The following SERTM1 variants were observed in gnomAD, a reference collection of about 807,000 sequenced individuals.
The protein encoded by SERTM1 is serine rich and transmembrane domain containing 1, also known as serine-rich and transmembrane domain-containing protein 1.
SERTM1 carries 1 observed loss-of-function variant against 5.5 expected under a neutral mutation model. The observed-to-expected ratio is 0.18, with a 90% CI of 0.06 to 0.86. The LOEUF is 0.86. SERTM1 is among the 40% of genes least tolerant of loss of function. SERTM1 has a pLI of 0.69. For synonymous variants in SERTM1, 52 were observed against 55.1 expected, an observed-to-expected ratio of 0.94 and a Z score of 0.25; for missense variants, 91 against 122.4, an observed-to-expected ratio of 0.74 and a Z score of 1.21.
At chr13:36,687,431 A>G (rs1159755980) in intron 1 of SERTM1, among the ~76,000 whole-genome samples, 1 of 152,202 alleles carries the variant, frequency 6.6e-6, no homozygotes, top group African/African-American at 2.4e-5. Flanking sequence ...TTTTTCAGAC[A>G]AGTGGATCCA....
chr13:36,683,229 T>C lies in SERTM1; in HGVS notation c.-174+9045T>C, dbSNP rs530428715. Among the ~76,000 whole-genome samples, 5 of 152,302 alleles carry C rather than the reference T, an allele frequency of 3.3e-5. No homozygotes were observed. The South Asian group carries it at 1.0e-3, about 32-fold the overall frequency. On this transcript the variant is annotated intron_variant, in intron 1 of 1. Coordinates refer to ENST00000315190, the MANE Select transcript of SERTM1 (RefSeq NM_203451.3). ...TCATATTTGAGCTTGTTAAGGAACA[T>C]GTCTTTGGCACTACCAGTAGCTAAA...
chr13:36,687,610 G>C (rs1020042537), intron 1 of SERTM1, among the ~76,000 whole-genome samples: 1 of 151,850 alleles, frequency 6.6e-6, no homozygotes, highest in Admixed American at 6.6e-5. Flanking sequence ...TTGATACATT[G>C]GTTAGTTTAC....
rs1484392045 is a variant in SERTM1 at position 36,696,786 on chromosome 13, A to G, written c.*1384A>G. On this transcript the variant is annotated 3_prime_UTR_variant, in exon 2 of 2. Transcript: ENST00000315190. ...CACAGGGTAAACACTGAACTTATTC[A>G]ACCTACAGGAGGCCACTGCATCAAC... is the stretch of plus-strand genomic sequence containing the variant. 1 of 167,104 alleles carries G rather than the reference A, an allele frequency of 6.0e-6. No individual in the cohort carries two copies. The highest frequency in any genetic ancestry group is 1.5e-5 in the Non-Finnish European group (1 of 68,124). 10.4% of individuals were successfully genotyped at this position (167,104 alleles called of 1,614,324 possible).
chr13:36,689,134 A>T (rs1017100779), intron 1 of SERTM1, among the ~76,000 whole-genome samples: 8 of 152,154 alleles, frequency 5.3e-5, no homozygotes, highest in Non-Finnish European at 1.2e-4. Context: ...TATCTTTTTA[A>T]ATAGTTATTC....
At chr13:36,677,305 G>A (rs188578216) in intron 1 of SERTM1, among the ~76,000 whole-genome samples, 14 of 152,286 alleles carry the variant, frequency 9.2e-5, no homozygotes, top group African/African-American at 1.7e-4. Flanking sequence ...ATGAAGTAGC[G>A]TAATCCAGCC....
At position 36,695,490 on chromosome 13, in the gene SERTM1, G is replaced by C; in HGVS notation, c.*88G>C. The C allele has an allele frequency of 1.1e-6, 1 of 937,892 alleles. No individual in the cohort carries two copies. The highest frequency in any genetic ancestry group is 1.6e-6 in the Non-Finnish European group (1 of 606,752). The allele number at this position is 937,892 out of a possible 1,614,324, so 58.1% of individuals were successfully genotyped here. A position where few individuals can be genotyped will look rare whatever the true frequency, so the allele number is the denominator to read the frequency against. On this transcript the variant is annotated 3_prime_UTR_variant, in exon 2 of 2. Transcript: ENST00000315190. ...TGAGGCATTGCCTCATGAAAGAAAT[G>C]ATCCTTTTGGTGTAGACCTGCTTCT...
chr13:36,691,073 G>A (rs910190333), intron 1 of SERTM1, among the ~76,000 whole-genome samples: 1 of 152,196 alleles, frequency 6.6e-6, no homozygotes, highest in Non-Finnish European at 1.5e-5. Flanking sequence ...CATATTTGAG[G>A]CTGACTGGTA....
intron 1 of SERTM1, among the ~76,000 whole-genome samples, chr13:36,684,535 G>T (rs1299719963): frequency 6.6e-6 from 1 of 151,874 alleles, no homozygotes; most frequent in African/African-American, 2.4e-5. Context: ...CAAGCATCCT[G>T]GGTTTGCCTT....
At chr13:36,689,423 T>C (rs2056763207) in intron 1 of SERTM1, among the ~76,000 whole-genome samples, 1 of 151,350 alleles carries the variant, frequency 6.6e-6, no homozygotes. Context: ...GAGCATTGCT[T>C]AAACCCGGGA....
intron 1 of SERTM1, among the ~76,000 whole-genome samples, chr13:36,686,035 T>C (rs1438083265): frequency 6.6e-6 from 1 of 152,200 alleles, no homozygotes; most frequent in Non-Finnish European, 1.5e-5. Context: ...ACTGATGATG[T>C]AAGATGCACA....
At chr13:36,681,054 A>G (rs2056702056) in intron 1 of SERTM1, among the ~76,000 whole-genome samples, 1 of 152,152 alleles carries the variant, frequency 6.6e-6, no homozygotes. Flanking sequence ...AGGTTTTTGG[A>G]TTAGTTCCCT....
rs961333633 is a variant in SERTM1 at position 36,695,722 on chromosome 13, G to C, written c.*320G>C. 7 of 300,686 alleles carry C rather than the reference G, an allele frequency of 2.3e-5. No homozygotes were observed. The highest frequency in any genetic ancestry group is 3.2e-5 in the Non-Finnish European group (5 of 154,568). The allele number at this position is 300,686 out of a possible 1,614,324, so 18.6% of individuals were successfully genotyped here. A position where few individuals can be genotyped will look rare whatever the true frequency, so the allele number is the denominator to read the frequency against. On this transcript the variant is annotated 3_prime_UTR_variant, in exon 2 of 2. Transcript: ENST00000315190. The stretch of plus-strand genomic sequence containing the variant: ...GGCTCATCTGAGGTGGCCTCTCCGT[G>C]GATGCTGGACATGGACTCGCACTTC...
chr13:36,689,483 A>G (rs201808401), intron 1 of SERTM1, among the ~76,000 whole-genome samples: 55 of 147,250 alleles, frequency 3.7e-4, no homozygotes, highest in African/African-American at 1.3e-3. Context: ...CCAGCCTGGG[A>G]GACAGAGTGA....
At chr13:36,690,201 C>G (rs1517892) in intron 1 of SERTM1, among the ~76,000 whole-genome samples, 72,181 of 152,004 alleles carry the variant, frequency 0.47, 17,674 homozygotes, top group Middle Eastern at 0.6. Flanking sequence ...ATTCAATGTT[C>G]TCAATGTGCG....
rs890132056 is a variant in SERTM1, at chr13:36,697,706, A to G, written c.*2304A>G. Reference sequence around the variant, plus strand: ...GAGAAATTAAGAGCCACATTCAAAGATGGAAAATAAGATTTGTCATTAGAA... The same window carrying G: ...GAGAAATTAAGAGCCACATTCAAAGGTGGAAAATAAGATTTGTCATTAGAA... On this transcript the variant is annotated 3_prime_UTR_variant, in exon 2 of 2. Coordinates refer to ENST00000315190, the MANE Select transcript of SERTM1 (RefSeq NM_203451.3). 6.0e-6 allele frequency: 1 copy of G among 167,062 alleles called. No individual in the cohort carries two copies. The highest frequency in any genetic ancestry group is 1.5e-5 in the Non-Finnish European group (1 of 68,112). The allele number at this position is 167,062 out of a possible 1,614,324, so 10.3% of individuals were successfully genotyped here. A position where few individuals can be genotyped will look rare whatever the true frequency, so the allele number is the denominator to read the frequency against.
chr13:36,679,159 T>C (rs77703954), intron 1 of SERTM1, among the ~76,000 whole-genome samples: 1 of 152,214 alleles, frequency 6.6e-6, no homozygotes. Context: ...AAAAAAAATT[T>C]ACTAATGCAT....
At chr13:36,675,363 C>T (rs2056663310) in intron 1 of SERTM1, among the ~76,000 whole-genome samples, 1 of 152,160 alleles carries the variant, frequency 6.6e-6, no homozygotes, top group East Asian at 1.9e-4. Flanking sequence ...GGGACTACTC[C>T]CTAAGACGTT....
At chr13:36,684,981 CCTT>C in intron 1 of SERTM1, among the ~76,000 whole-genome samples, 1 of 152,218 alleles carries the variant, frequency 6.6e-6, no homozygotes, top group East Asian at 1.9e-4. Flanking sequence ...TTCAGTTTCA[CCTT>C]CTTACATTTT....
intron 1 of SERTM1, among the ~76,000 whole-genome samples, chr13:36,683,683 G>T (rs552949556): frequency 2.2e-4 from 34 of 152,146 alleles, no homozygotes; most frequent in Non-Finnish European, 1.2e-4. Context: ...GGTGTGGCAA[G>T]TCTCACACTA....
Sources: gnomAD v4.1 joint callset for allele counts (sites outside exome capture counted in the v4.1 genomes callset) on GRCh38, gnomAD v4.1.1 for gene constraint, MANE v1.5 for transcripts, NCBI Gene and HGNC (gene_info 2026-07-23, HGNC 2026-07-21) for gene names.